CUL3: variants seen among roughly 807,000 people sequenced by gnomAD.
CUL3 encodes cullin 3.
CUL3 carries 19 observed loss-of-function variants against 89.1 expected under a neutral mutation model. The observed-to-expected ratio is 0.21, with a 90% CI of 0.15 to 0.31. The LOEUF (loss-of-function observed/expected upper bound fraction) is 0.31. Ranked by LOEUF, CUL3 falls within the 10% of genes least tolerant of loss-of-function variation. CUL3 has a pLI of 1.00. For synonymous variants in CUL3, 351 were observed against 308.4 expected (o/e 1.14, Z -1.45); for missense variants, 469 against 942.3 (o/e 0.50, Z 6.58).
rs779693648 is a variant in CUL3, at chr2:224,584,918, GT to G, written c.66+25del. 2.1e-6 allele frequency: 3 copies of G among 1,453,372 alleles called. No homozygotes were observed. In the South Asian group the frequency reaches 3.7e-5, roughly 18 times the overall value. 90.0% of individuals were successfully genotyped at this position (1,453,372 alleles called of 1,614,324 possible). On this transcript the variant is annotated intron_variant, in intron 1 of 15. Transcript: ENST00000264414. ...TCTCGGCCCGGCCCCCGGCCCCGGG[GT>G]CCCGGACGCCGAGGAGAGACTCACC...
chr2:224,513,342 T>C (rs1366532867), intron 5 of CUL3, among the ~76,000 whole-genome samples, 182 bp downstream of exon 5: 1 of 152,190 alleles, frequency 6.6e-6, no homozygotes, highest in Non-Finnish European at 1.5e-5. Context: ...CAATTTGTTA[T>C]CGATGAGTTG....
In CUL3 at chr2:224,474,104, A is replaced by C; in HGVS notation, c.*141T>G. On this transcript the variant is annotated 3_prime_UTR_variant, in exon 16 of 16. Transcript: ENST00000264414. ...GATGTTGGAAACTCTCAAAGGGAGT[A>C]AAGGCTTGATCTCAATGGTCTAGAA... is the stretch of plus-strand genomic sequence containing the variant. The C allele has an allele frequency of 1.3e-6, 1 of 791,756 alleles. No homozygotes were observed. The highest frequency in any genetic ancestry group is 1.9e-6 in the Non-Finnish European group (1 of 529,168). 49.0% of individuals were successfully genotyped at this position (791,756 alleles called of 1,614,324 possible). A position where few individuals can be genotyped will look rare whatever the true frequency, so the allele number is the denominator to read the frequency against.
In CUL3 at chr2:224,472,322, A is replaced by G; in HGVS notation, c.*1923T>C. ...TTTAATGTCTCACTTAGGAGATTTC[A>G]AATAAAGTTTTTACATCGCTCATGT... is the stretch of plus-strand genomic sequence containing the variant. On this transcript the variant is annotated 3_prime_UTR_variant, in exon 16 of 16. Transcript: ENST00000264414. The G allele has an allele frequency of 4.7e-6, 1 of 212,994 alleles. No individual in the cohort carries two copies. Among genetic ancestry groups the G allele is most frequent in the African/African-American group, 2.3e-5 (1 of 44,390 alleles). 13.2% of individuals were successfully genotyped at this position (212,994 alleles called of 1,614,324 possible).
chr2:224,581,277 C>T lies in CUL3; in HGVS notation c.66+3667G>A, dbSNP rs552998676. 8.6e-5 allele frequency among the ~76,000 whole-genome samples: 13 copies of T among 151,782 alleles called. No homozygotes were observed. In the East Asian group the frequency reaches 2.2e-3, roughly 26 times the overall value. On this transcript the variant is annotated intron_variant, in intron 1 of 15. Transcript: ENST00000264414. ...AGGCGTGGTGGCACACGCCTGTAATCCCAGCTACTTGGGGAGGCTGAGGCA... is the reference window on the plus strand; with the variant it reads ...AGGCGTGGTGGCACACGCCTGTAATTCCAGCTACTTGGGGAGGCTGAGGCA...
At chr2:224,489,338 A>G (rs1691863828) in intron 13 of CUL3, among the ~76,000 whole-genome samples, 1 of 152,206 alleles carries the variant, frequency 6.6e-6, no homozygotes, top group South Asian at 2.1e-4. Flanking sequence ...AGATTACATA[A>G]TTGTGTATTT....
At chr2:224,533,477 GA>G (rs1229611471) in intron 3 of CUL3, among the ~76,000 whole-genome samples, 3 of 151,592 alleles carry the variant, frequency 2.0e-5, no homozygotes, top group Non-Finnish European at 2.9e-5. Context: ...AAAAAAGAAA[GA>G]AAAAAAGGGA....
intron 14 of CUL3, among the ~76,000 whole-genome samples, chr2:224,481,261 T>C (rs527351180): frequency 2.0e-5 from 3 of 152,158 alleles, no homozygotes; most frequent in African/African-American, 7.2e-5. Context: ...TTAAGCCAAG[T>C]AGTAAACAAT....
intron 15 of CUL3, among the ~76,000 whole-genome samples, chr2:224,475,514 C>T (rs1691287379): frequency 6.6e-6 from 1 of 152,198 alleles, no homozygotes; most frequent in Non-Finnish European, 1.5e-5. Flanking sequence ...TCTTGTTGAT[C>T]AGTTCATTTC....
intron 15 of CUL3, among the ~76,000 whole-genome samples, chr2:224,477,415 C>A (rs1691364512): frequency 6.6e-6 from 1 of 152,318 alleles, no homozygotes; most frequent in African/African-American, 2.4e-5. Context: ...ATAGTTCTTT[C>A]TTGCTCTCCA....
intron 15 of CUL3, among the ~76,000 whole-genome samples, chr2:224,475,103 C>T (rs1319838713): frequency 2.6e-5 from 4 of 152,236 alleles, no homozygotes; most frequent in Admixed American, 1.3e-4. Context: ...CTGCAAGCTC[C>T]GCCTCCCAGG....
intron 2 of CUL3, among the ~76,000 whole-genome samples, chr2:224,546,666 A>ACC (rs561760268): frequency 8.2e-6 from 1 of 122,160 alleles, no homozygotes; most frequent in Admixed American, 9.3e-5. Flanking sequence ...CAGAAATAGG[A>ACC]TGGGGGGGGG....
At chr2:224,535,276 C>T (rs112388264) in intron 3 of CUL3, among the ~76,000 whole-genome samples, 3 of 152,140 alleles carry the variant, frequency 2.0e-5, no homozygotes, top group South Asian at 2.1e-4. Context: ...CCGGTTCAAG[C>T]GATTCTCCTG....
rs796981751 is a variant in CUL3, at chr2:224,470,822, T to C, written c.*3423A>G. ...ATGTATTAACTTTAGTTTGTCACAT[T>C]ACTATTCATGTGAATGAGGTACAAA... On this transcript the variant is annotated 3_prime_UTR_variant, in exon 16 of 16. Transcript: ENST00000264414. The C allele has an allele frequency of 1.3e-4, 29 of 230,898 alleles. No individual in the cohort carries two copies. The highest frequency in any genetic ancestry group is 6.2e-4 in the African/African-American group (28 of 45,366). 14.3% of individuals were successfully genotyped at this position (230,898 alleles called of 1,614,324 possible).
intron 3 of CUL3, among the ~76,000 whole-genome samples, chr2:224,518,039 T>A (rs1317122437): frequency 2.6e-5 from 4 of 152,196 alleles, no homozygotes; most frequent in African/African-American, 9.7e-5. Context: ...AGCACAAAGT[T>A]CAACTGGTAA....
At chr2:224,540,046 T>C (rs1325368966) in intron 2 of CUL3, among the ~76,000 whole-genome samples, 3 of 137,570 alleles carry the variant, frequency 2.2e-5, no homozygotes, top group Non-Finnish European at 4.6e-5. Context: ...TCTTAGTACC[T>C]TCCATCCTCC....
At chr2:224,500,717 C>T (rs1002232059) in intron 10 of CUL3, among the ~76,000 whole-genome samples, 1 of 151,600 alleles carries the variant, frequency 6.6e-6, no homozygotes, top group African/African-American at 2.4e-5. Flanking sequence ...CCTCCGCCTC[C>T]CAGGTTCAAA....
At chr2:224,557,618 A>G (rs2106303791) in intron 2 of CUL3, 41 bp downstream of exon 2, 1 of 1,400,254 alleles carries the variant, frequency 7.1e-7, no homozygotes, top group Non-Finnish European at 1.0e-6. Context: ...GATTTTCTAC[A>G]TTCAATATAG....
chr2:224,514,491 G>A (rs1692959553), intron 4 of CUL3, 121 bp downstream of exon 4: 1 of 779,198 alleles, frequency 1.3e-6, no homozygotes, highest in African/African-American at 1.7e-5. Context: ...AGTTTCTGAG[G>A]ATTTTCCCAA....
chr2:224,539,075 A>T (rs1693998637), intron 2 of CUL3, among the ~76,000 whole-genome samples: 1 of 152,234 alleles, frequency 6.6e-6, no homozygotes, highest in African/African-American at 2.4e-5. Flanking sequence ...TGCAAAAGAC[A>T]AAGCTAATAA....
Sources: allele counts gnomAD v4.1 joint callset (sites outside exome capture counted in the v4.1 genomes callset), GRCh38; gene constraint gnomAD v4.1.1; transcripts MANE v1.5; gene names NCBI Gene and HGNC (gene_info 2026-07-23, HGNC 2026-07-21).